ROBO1: variants seen among roughly 807,000 people sequenced by gnomAD.
ROBO1 encodes the protein roundabout homolog 1.
Under a neutral mutation model 195.9 loss-of-function variants are expected in ROBO1, and 149 were observed. That is an observed-to-expected ratio of 0.76 (90% CI 0.67 to 0.87). The LOEUF (loss-of-function observed/expected upper bound fraction) is 0.87, where lower values mean the gene tolerates loss of function less well. Among genes scored for constraint, ROBO1 ranks in the 40% least tolerant of loss-of-function variants. The pLI, the probability that ROBO1 is intolerant of heterozygous loss-of-function variation, is 0.00. For missense variants in ROBO1, 1,933 were observed against 2,068.3 expected (o/e 0.93, Z 1.27); for synonymous variants, 816 against 733.2 (o/e 1.11, Z -1.82).
intron 2 of ROBO1, among the ~76,000 whole-genome samples, chr3:79,221,468 A>T (rs964981158): frequency 2.6e-5 from 4 of 152,150 alleles, no homozygotes; most frequent in Non-Finnish European, 5.9e-5. Flanking sequence ...TATCTGCTTA[A>T]TATACTCACA....
chr3:79,558,512 C>A (rs543188792), intron 2 of ROBO1, among the ~76,000 whole-genome samples: 2 of 152,172 alleles, frequency 1.3e-5, no homozygotes, highest in East Asian at 3.9e-4. Flanking sequence ...ATAATTAAGT[C>A]TTTGGGAAGT....
At chr3:79,342,516 T>C (rs2034948259) in intron 2 of ROBO1, among the ~76,000 whole-genome samples, 1 of 152,202 alleles carries the variant, frequency 6.6e-6, no homozygotes, top group Non-Finnish European at 1.5e-5. Flanking sequence ...CATATCAAAA[T>C]TTTTAATGTG....
intron 1 of ROBO1, among the ~76,000 whole-genome samples, chr3:79,758,149 C>T (rs993066702): frequency 1.3e-5 from 2 of 152,132 alleles, no homozygotes; most frequent in Admixed American, 6.5e-5. Context: ...TTCATAAATT[C>T]ATCTCCTTCT....
chr3:79,409,029 CTTCATGAG>C (rs2037665826), intron 2 of ROBO1, among the ~76,000 whole-genome samples: 1 of 152,022 alleles, frequency 6.6e-6, no homozygotes, highest in Non-Finnish European at 1.5e-5. Flanking sequence ...AAAAAGTCTC[CTTCATGAG>C]TTCATGATTT....
At chr3:79,404,576 T>C (rs1027966804) in intron 2 of ROBO1, among the ~76,000 whole-genome samples, 6 of 152,240 alleles carry the variant, frequency 3.9e-5, no homozygotes, top group African/African-American at 1.2e-4. Flanking sequence ...TGCTTTTATG[T>C]GTTAAGAGCA....
intron 2 of ROBO1, among the ~76,000 whole-genome samples, chr3:79,500,697 T>C (rs766935870): frequency 5.2e-4 from 79 of 152,344 alleles, no homozygotes; most frequent in Non-Finnish European, 1.0e-3. Context: ...GGAATGATAT[T>C]AGCGAAGTAC....
Position 78,688,706 on chromosome 3 carries a change from T to G in ROBO1, c.1112A>C (p.Gln371Pro). ...VVALGRTVTF[Q>P]CEATGNPQPA... ...TTGAGGATTTCCGGTTGCTTCACACTGAAAAGTTACAGTCCGTCCCAAAGC... is the reference window on the plus strand; with the variant it reads ...TTGAGGATTTCCGGTTGCTTCACACGGAAAAGTTACAGTCCGTCCCAAAGC... Residue 371 changes from glutamine (Q) to proline (P), a missense_variant, in exon 9 of 31, where the codon CAG (glutamine) becomes CCG (proline). Physicochemically the swap from Gln to Pro is moderately conservative, Grantham distance 76. Transcript: ENST00000464233. The G allele has an allele frequency of 6.2e-7, 1 of 1,609,106 alleles. No individual in the cohort carries two copies. The highest frequency in any genetic ancestry group is 8.5e-7 in the Non-Finnish European group (1 of 1,177,576).
intron 2 of ROBO1, among the ~76,000 whole-genome samples, chr3:79,421,670 C>T (rs2038230120): frequency 6.6e-6 from 1 of 152,090 alleles, no homozygotes; most frequent in African/African-American, 2.4e-5. Context: ...GTTTCCTGCT[C>T]TGTGAAATGA....
At chr3:79,004,270 C>A (rs1576548230) in intron 3 of ROBO1, among the ~76,000 whole-genome samples, 2 of 152,168 alleles carry the variant, frequency 1.3e-5, no homozygotes, top group East Asian at 3.9e-4. Flanking sequence ...TTCATGTGTT[C>A]ATTTTTCTGT....
chr3:79,697,083 A>G (rs909961136), intron 1 of ROBO1, among the ~76,000 whole-genome samples: 2 of 151,432 alleles, frequency 1.3e-5, no homozygotes, highest in African/African-American at 4.8e-5. Context: ...ATAAAAGTTC[A>G]GTGTTCCTAA....
At chr3:79,365,265 G>A (rs1043644514) in intron 2 of ROBO1, among the ~76,000 whole-genome samples, 1 of 152,022 alleles carries the variant, frequency 6.6e-6, no homozygotes, top group African/African-American at 2.4e-5. Context: ...TTTCTCACCT[G>A]CTTGGCAAAG....
In ROBO1 at chr3:79,616,715, CCACTGCT is replaced by C. The variant is rs546580951; in HGVS notation, c.-50-26761_-50-26755del. 1.2e-3 allele frequency among the ~76,000 whole-genome samples: 180 copies of C among 152,234 alleles called. 2 individuals carry two copies. Among genetic ancestry groups the C allele is most frequent in the African/African-American group, 4.0e-3 (166 of 41,556 alleles). On this transcript the variant is annotated intron_variant, in intron 1 of 30. Coordinates refer to ENST00000464233, the MANE Select transcript of ROBO1 (RefSeq NM_002941.4). The stretch of plus-strand genomic sequence containing the variant: ...AGAGGATCTTCTCTCACCCCCTTAT[CCACTGCT>C]GTGGATATGGCATGTCTTTTGGTAC...
intron 2 of ROBO1, among the ~76,000 whole-genome samples, chr3:79,177,109 T>G (rs1224489512): frequency 1.3e-5 from 2 of 152,186 alleles, no homozygotes; most frequent in Non-Finnish European, 2.9e-5. Flanking sequence ...TTTCAGTACT[T>G]TTTTTAAAAT....
At position 78,636,187 on chromosome 3, in the gene ROBO1, G is replaced by A. The variant is rs187331596; in HGVS notation, c.3038-79C>T. ...TAAATTTCTTTTTACGTAGCTTTGC[G>A]AGTCATCAGAAAATCGTTATGTAAA... On this transcript the variant is annotated intron_variant, in intron 22 of 30. Coordinates refer to ENST00000464233, the MANE Select transcript of ROBO1 (RefSeq NM_002941.4). 686 of 1,040,226 alleles carry A rather than the reference G, an allele frequency of 6.6e-4. 2 individuals are homozygous for A. In the African/African-American group the frequency reaches 9.0e-3, roughly 14 times the overall value. The allele number at this position is 1,040,226 out of a possible 1,614,324, so 64.4% of individuals were successfully genotyped here.
chr3:79,252,319 ATTTAGGG>A (rs773536856), intron 2 of ROBO1, among the ~76,000 whole-genome samples: 14 of 152,100 alleles, frequency 9.2e-5, no homozygotes, highest in Non-Finnish European at 1.0e-4. Flanking sequence ...GATCACACTG[ATTTAGGG>A]TAAGTGTCCT....
chr3:79,181,259 T>C (rs1178440131), intron 2 of ROBO1, among the ~76,000 whole-genome samples: 1 of 152,208 alleles, frequency 6.6e-6, no homozygotes, highest in East Asian at 1.9e-4. Flanking sequence ...CTCTGCATTT[T>C]CCTCATGTAC....
intron 2 of ROBO1, among the ~76,000 whole-genome samples, chr3:79,581,370 G>A (rs867862906): frequency 2.9e-4 from 44 of 152,184 alleles, no homozygotes; most frequent in African/African-American, 6.5e-4. Context: ...TTTCTATCCA[G>A]TTTAATCACA....
At chr3:78,998,139 T>C (rs961204087) in intron 3 of ROBO1, among the ~76,000 whole-genome samples, 3 of 152,170 alleles carry the variant, frequency 2.0e-5, no homozygotes, top group African/African-American at 7.2e-5. Flanking sequence ...ATAGTGTATA[T>C]TGCAATTGCG....
At chr3:79,714,941 A>G (rs998877108) in intron 1 of ROBO1, among the ~76,000 whole-genome samples, 2 of 151,708 alleles carry the variant, frequency 1.3e-5, no homozygotes, top group Non-Finnish European at 2.9e-5. Flanking sequence ...TGGCACATGT[A>G]TACATATGTA....
Sources: gnomAD v4.1 joint callset for allele counts (sites outside exome capture counted in the v4.1 genomes callset) on GRCh38, gnomAD v4.1.1 for gene constraint, MANE v1.5 for transcripts, NCBI Gene and HGNC (gene_info 2026-07-23, HGNC 2026-07-21) for gene names.